The following WDR43 variants were observed in gnomAD, a reference collection of about 807,000 sequenced individuals.
WDR43 encodes the protein WD repeat-containing protein 43.
Under a neutral mutation model 91.4 loss-of-function variants are expected in WDR43, and 13 were observed. That is an observed-to-expected ratio of 0.14 (90% CI 0.09 to 0.23). WDR43 has a LOEUF of 0.23. WDR43 is among the 10% of genes least tolerant of loss of function. The pLI is 1.00. For missense variants in WDR43, 780 were observed against 809.4 expected, an observed-to-expected ratio of 0.96 and a Z score of 0.44; for synonymous variants, 331 against 287.9, an observed-to-expected ratio of 1.15 and a Z score of -1.51.
At chr2:28,904,948 A>G (rs1670649977) in intron 2 of WDR43, 1 of 152,236 alleles carries the variant, frequency 6.6e-6, no homozygotes, top group Non-Finnish European at 1.5e-5. Flanking sequence ...AAGTAACTGT[A>G]GGAGAGATGT....
intron 6 of WDR43, among the ~76,000 whole-genome samples, chr2:28,919,735 G>A (rs891843158): frequency 6.6e-6 from 1 of 152,168 alleles, no homozygotes; most frequent in Non-Finnish European, 1.5e-5. Flanking sequence ...GGACATGCTT[G>A]TGTACATTCA....
At chr2:28,904,595 G>T (rs1670642908) in intron 2 of WDR43, among the ~76,000 whole-genome samples, 1 of 152,054 alleles carries the variant, frequency 6.6e-6, no homozygotes, top group African/African-American at 2.4e-5. Context: ...GTTTTGGTTT[G>T]TATTTCTTTG....
At chr2:28,897,263 G>A (rs1439187993) in intron 1 of WDR43, among the ~76,000 whole-genome samples, 1 of 152,088 alleles carries the variant, frequency 6.6e-6, no homozygotes, top group Non-Finnish European at 1.5e-5. Flanking sequence ...AAATTAAAAA[G>A]TCATATGTAC....
rs371378758 is a variant in WDR43, at chr2:28,946,471, A to G, written c.1826A>G (p.Asp609Gly). Residue 609 changes from aspartate (D) to glycine (G), a missense_variant, in exon 17 of 18, where the codon GAT becomes GGT. By Grantham distance (94) the Asp-to-Gly change is moderately conservative. This residue lies in a region of WDR43 where 426 missense variants were observed against 467.8 expected (regional missense o/e 0.91). Coordinates refer to ENST00000407426, the MANE Select transcript of WDR43 (RefSeq NM_015131.3). Reference protein sequence around the residue: ...YEEESSEEESDDEIADKDSED... With the variant: ...YEEESSEEESGDEIADKDSED... The stretch of plus-strand genomic sequence containing the variant: ...ACAGAGTCTTCTGAAGAGGAGTCTG[A>G]TGATGAAATAGCAGATAAGGATTCT... 2.0e-4 allele frequency: 330 copies of G among 1,612,022 alleles called. 1 individual carries two copies. The highest frequency in any genetic ancestry group is 1.6e-4 in the Non-Finnish European group (183 of 1,179,064).
At chr2:28,945,034 C>T (rs1030342223) in intron 16 of WDR43, among the ~76,000 whole-genome samples, 5 of 152,144 alleles carry the variant, frequency 3.3e-5, no homozygotes, top group African/African-American at 1.2e-4. Context: ...CTGCATATGT[C>T]TTTCATGAAT....
rs2148176576 is a variant in WDR43, at chr2:28,898,647, T to G, written c.226-3340T>G. On this transcript the variant is annotated intron_variant, in intron 1 of 17. Coordinates refer to ENST00000407426, the MANE Select transcript of WDR43 (RefSeq NM_015131.3). ...AGAGTTCAGTATTTCTCAGAGCAGA[T>G]TTTGATCCATTAGTGGATTATGTAA... Among the ~76,000 whole-genome samples, 2 of 152,106 alleles carry G rather than the reference T, an allele frequency of 1.3e-5. 1 individual carries two copies. Among genetic ancestry groups the G allele is most frequent in the East Asian group, 3.8e-4 (2 of 5,198 alleles).
At chr2:28,927,445 A>G in intron 9 of WDR43, 124 bp from the exon 10 acceptor site, 1 of 1,113,938 alleles carries the variant, frequency 9.0e-7, no homozygotes, top group Non-Finnish European at 1.2e-6. Flanking sequence ...TTAAATTGAT[A>G]TCAAGTTAAT....
chr2:28,930,699 C>G (rs1040873226), intron 11 of WDR43, among the ~76,000 whole-genome samples: 1 of 152,186 alleles, frequency 6.6e-6, no homozygotes, highest in Admixed American at 6.5e-5. Flanking sequence ...TCTAATTATG[C>G]TTTGAAACCT....
chr2:28,941,731 A>G (rs1671440963), intron 15 of WDR43, among the ~76,000 whole-genome samples, 157 bp downstream of exon 15: 1 of 152,168 alleles, frequency 6.6e-6, no homozygotes, highest in African/African-American at 2.4e-5. Flanking sequence ...AGTGCCTCCC[A>G]AGTAGCTGGG....
intron 3 of WDR43, among the ~76,000 whole-genome samples, chr2:28,909,056 G>A (rs1363468349): frequency 6.6e-6 from 1 of 152,092 alleles, no homozygotes; most frequent in Non-Finnish European, 1.5e-5. Flanking sequence ...GGACACATCA[G>A]TCAGTCAATT....
chr2:28,903,651 CT>C (rs932803489), intron 2 of WDR43, among the ~76,000 whole-genome samples: 3 of 152,210 alleles, frequency 2.0e-5, no homozygotes, highest in African/African-American at 7.2e-5. Context: ...TTCTTCCCCC[CT>C]CCTCCAAGTC....
chr2:28,906,234 T>C (rs1025818453), intron 2 of WDR43, among the ~76,000 whole-genome samples: 3 of 152,196 alleles, frequency 2.0e-5, no homozygotes. Flanking sequence ...TCTATTTGCC[T>C]TTCACATCCT....
chr2:28,942,267 A>G (rs772483551), intron 15 of WDR43, 45 bp from the exon 16 acceptor site: 1 of 1,589,178 alleles, frequency 6.3e-7, no homozygotes, highest in South Asian at 1.1e-5. Context: ...GATACTTGGG[A>G]TATGTTTACA....
At chr2:28,942,178 G>T in intron 15 of WDR43, 134 bp from the exon 16 acceptor site, 3 of 764,294 alleles carry the variant, frequency 3.9e-6, no homozygotes, top group Admixed American at 4.6e-5. Flanking sequence ...GCTCTGTATT[G>T]TATGAAGGTC....
chr2:28,929,526 A>G lies in WDR43; in HGVS notation c.1306-53A>G, dbSNP rs889204497. The G allele has an allele frequency of 6.5e-5, 93 of 1,430,538 alleles. No individual in the cohort carries two copies. The East Asian group carries it at 2.1e-3, about 32-fold the overall frequency. The allele number at this position is 1,430,538 out of a possible 1,614,324, so 88.6% of individuals were successfully genotyped here. A position where few individuals can be genotyped will look rare whatever the true frequency, so the allele number is the denominator to read the frequency against. On this transcript the variant is annotated intron_variant, in intron 10 of 17. Coordinates refer to ENST00000407426, the MANE Select transcript of WDR43 (RefSeq NM_015131.3). ...TTTTATTTTATTTTTTTTGTCTCCA[A>G]ACTACTTTAAGTCTTGTCTGGTAAC... is the stretch of plus-strand genomic sequence containing the variant.
At chr2:28,914,916 A>G (rs1027515595) in intron 5 of WDR43, among the ~76,000 whole-genome samples, 1 of 152,206 alleles carries the variant, frequency 6.6e-6, no homozygotes, top group Non-Finnish European at 1.5e-5. Context: ...CGACAGAGCG[A>G]AACTCCATCT....
rs1163344348 is a variant in WDR43 at position 28,894,863 on chromosome 2, C to G, written c.165C>G (p.Ser55=). The G allele has an allele frequency of 6.2e-6, 10 of 1,610,198 alleles. No homozygotes were observed. Among genetic ancestry groups the G allele is most frequent in the Admixed American group, 1.7e-5 (1 of 59,566 alleles). The change falls in exon 1 of 18, where the codon TCC becomes TCG. Residue 55 remains serine, a synonymous_variant. Coordinates refer to ENST00000407426, the MANE Select transcript of WDR43 (RefSeq NM_015131.3). ...GGCTGCACCAGGAGTACGTGCCTTC[C>G]GCGCACCTCAGTGGTACCTGCACCT... ...NNRLHQEYVP[S]AHLSGTCTCL...
Position 28,936,802 on chromosome 2 carries a change from G to A in WDR43, c.1525-120G>A, listed in dbSNP as rs73922903. The A allele has an allele frequency of 0.013, 11,443 of 890,140 alleles. 862 individuals carry two copies. In the African/African-American group the frequency reaches 0.17, roughly 13 times the overall value. The allele number at this position is 890,140 out of a possible 1,614,324, so 55.1% of individuals were successfully genotyped here. A position where few individuals can be genotyped will look rare whatever the true frequency, so the allele number is the denominator to read the frequency against. The stretch of plus-strand genomic sequence containing the variant: ...AATGTATTCATAGACTGTATTATGC[G>A]GTTTAAAATAGACTACTTATTAGAA... On this transcript the variant is annotated intron_variant, in intron 12 of 17. Coordinates refer to ENST00000407426, the MANE Select transcript of WDR43 (RefSeq NM_015131.3).
chr2:28,922,589 G>A (rs1001263760), intron 6 of WDR43, among the ~76,000 whole-genome samples: 7 of 152,156 alleles, frequency 4.6e-5, no homozygotes, highest in African/African-American at 1.7e-4. Flanking sequence ...CAGGCAAAAT[G>A]GCTTTTTCTG....
Sources: gnomAD v4.1 joint callset for allele counts (sites outside exome capture counted in the v4.1 genomes callset) on GRCh38, gnomAD v4.1.1 for gene constraint, gnomAD v4.1.1 regional missense constraint, MANE v1.5 for transcripts, NCBI Gene and HGNC (gene_info 2026-07-23, HGNC 2026-07-21) for gene names.